Variants in PCDH7 observed in about 807,000 individuals in gnomAD.
The protein encoded by PCDH7 is protocadherin 7.
Under a neutral mutation model 58.9 loss-of-function variants are expected in PCDH7, and 17 were observed. That is an observed-to-expected ratio of 0.29 (90% CI 0.20 to 0.43). The LOEUF is 0.43. Ranked by LOEUF, PCDH7 falls within the 20% of genes least tolerant of loss-of-function variation. PCDH7 has a pLI of 1.00. For synonymous variants in PCDH7, 664 were observed against 616.4 expected (o/e 1.08, Z -1.14); for missense variants, 1,274 against 1,441.0 (o/e 0.88, Z 1.88).
chr4:31,132,596 A>G (rs1272428923), intron 3 of PCDH7, among the ~76,000 whole-genome samples: 2 of 152,168 alleles, frequency 1.3e-5, no homozygotes, highest in African/African-American at 2.4e-5. Flanking sequence ...TGAGACCATT[A>G]AAATGAAGTG....
chr4:30,791,373 T>C (rs1724098578), intron 1 of PCDH7, among the ~76,000 whole-genome samples: 1 of 152,226 alleles, frequency 6.6e-6, no homozygotes, highest in Non-Finnish European at 1.5e-5. Context: ...CAATATTTAC[T>C]ATTTACCTTA....
At chr4:31,069,965 C>T (rs941093202) in intron 3 of PCDH7, among the ~76,000 whole-genome samples, 20 of 149,438 alleles carry the variant, frequency 1.3e-4, no homozygotes, top group African/African-American at 4.7e-4. Flanking sequence ...GTGCAACAAT[C>T]TTTCACAGCC....
chr4:31,003,562 G>A (rs1027514721), intron 3 of PCDH7, among the ~76,000 whole-genome samples: 1 of 151,878 alleles, frequency 6.6e-6, no homozygotes, highest in African/African-American at 2.4e-5. Flanking sequence ...ACCCCAAATC[G>A]GAACTGCTCC....
chr4:30,747,666 C>A (rs886397766), intron 1 of PCDH7, among the ~76,000 whole-genome samples: 21 of 152,188 alleles, frequency 1.4e-4, no homozygotes, highest in Admixed American at 9.2e-4. Context: ...CTGGATAATC[C>A]AAGACAATTT....
intron 1 of PCDH7, among the ~76,000 whole-genome samples, chr4:30,816,370 C>T (rs182460336): frequency 2.0e-5 from 3 of 152,172 alleles, no homozygotes; most frequent in East Asian, 1.9e-4. Flanking sequence ...TGTAGGGAAA[C>T]GCTTAAGAAG....
chr4:31,079,252 A>G (rs1759264797), intron 3 of PCDH7, among the ~76,000 whole-genome samples: 1 of 136,858 alleles, frequency 7.3e-6, no homozygotes, highest in African/African-American at 2.8e-5. Context: ...AGAAGACTCC[A>G]TAAACCAAGT....
chr4:31,045,827 G>A (rs912005295), intron 3 of PCDH7, among the ~76,000 whole-genome samples: 1 of 151,808 alleles, frequency 6.6e-6, no homozygotes, highest in African/African-American at 2.4e-5. Flanking sequence ...TGTATTTTTC[G>A]AAGCACACTG....
Position 31,094,945 on chromosome 4 carries a change from C to T in PCDH7, c.*8-47528C>T, listed in dbSNP as rs73114761. Among the ~76,000 whole-genome samples, 468 of 152,092 alleles carry T rather than the reference C, an allele frequency of 3.1e-3. 6 individuals are homozygous for T. The highest frequency in any genetic ancestry group is 0.024 in the Middle Eastern group (7 of 294). On this transcript the variant is annotated intron_variant, in intron 3 of 3. Transcript: ENST00000509759. ...TGCTATTTAAAAAGACAAGGTTCTT[C>T]GGTTTAAATATTGATGGCCCAACTG...
intron 2 of PCDH7, among the ~76,000 whole-genome samples, chr4:30,929,998 T>C (rs1744364108): frequency 6.6e-6 from 1 of 152,240 alleles, no homozygotes; most frequent in African/African-American, 2.4e-5. Context: ...GTATTTATTT[T>C]ATGCAAATTT....
At chr4:31,125,329 T>C (rs904475423) in intron 3 of PCDH7, among the ~76,000 whole-genome samples, 32 of 152,180 alleles carry the variant, frequency 2.1e-4, no homozygotes, top group Non-Finnish European at 4.6e-4. Flanking sequence ...AAGCTAAAAA[T>C]GTCCCTCTTA....
chr4:31,136,310 T>A (rs968175638), intron 3 of PCDH7, among the ~76,000 whole-genome samples: 2 of 152,172 alleles, frequency 1.3e-5, no homozygotes, highest in African/African-American at 4.8e-5. Context: ...GGGGAGTAGG[T>A]ATTATTATCT....
chr4:30,947,712 T>A (rs974349281), intron 2 of PCDH7, among the ~76,000 whole-genome samples: 1 of 152,182 alleles, frequency 6.6e-6, no homozygotes, highest in South Asian at 2.1e-4. Context: ...GAACATTCAG[T>A]GTCCTTCTTC....
At chr4:31,033,011 T>A (rs4692111) in intron 3 of PCDH7, among the ~76,000 whole-genome samples, 94,414 of 151,996 alleles carry the variant, frequency 0.62, 32,042 homozygotes, top group African/African-American at 0.9. Flanking sequence ...CTTCTTTATT[T>A]AAGTTTACTT....
intron 3 of PCDH7, among the ~76,000 whole-genome samples, chr4:31,028,489 A>G (rs1286462690): frequency 6.6e-6 from 1 of 152,146 alleles, no homozygotes; most frequent in South Asian, 2.1e-4. Flanking sequence ...TGCTCTAAAA[A>G]TAAAATAAAA....
chr4:30,795,768 G>A (rs1724696050), intron 1 of PCDH7, among the ~76,000 whole-genome samples: 1 of 152,138 alleles, frequency 6.6e-6, no homozygotes, highest in East Asian at 1.9e-4. Context: ...ACTTTGAAAA[G>A]TATGTTTTTG....
chr4:30,727,012 G>A (rs1043081339), intron 1 of PCDH7, among the ~76,000 whole-genome samples: 1 of 151,500 alleles, frequency 6.6e-6, no homozygotes, highest in Non-Finnish European at 1.5e-5. Context: ...TATTTTCTTT[G>A]ATTAAACCTG....
intron 1 of PCDH7, among the ~76,000 whole-genome samples, chr4:30,832,415 A>G (rs1729920382): frequency 6.6e-6 from 1 of 152,160 alleles, no homozygotes; most frequent in South Asian, 2.1e-4. Context: ...GCATCGACAG[A>G]TTTTTGAATA....
At chr4:30,862,540 G>A (rs1184954475) in intron 1 of PCDH7, among the ~76,000 whole-genome samples, 3 of 152,088 alleles carry the variant, frequency 2.0e-5, no homozygotes, top group Admixed American at 6.6e-5. Flanking sequence ...GAGATATTAC[G>A]GAATTACATT....
At chr4:30,881,503 A>G (rs1736970153) in intron 1 of PCDH7, among the ~76,000 whole-genome samples, 1 of 152,180 alleles carries the variant, frequency 6.6e-6, no homozygotes, top group African/African-American at 2.4e-5. Flanking sequence ...ATCATTGAGG[A>G]ATTCATGTCA....
Sources: allele counts gnomAD v4.1 joint callset (sites outside exome capture counted in the v4.1 genomes callset), GRCh38; gene constraint gnomAD v4.1.1; transcripts MANE v1.5; gene names NCBI Gene and HGNC (gene_info 2026-07-23, HGNC 2026-07-21).